Variants in WDR1 observed in about 807,000 individuals in gnomAD.
WDR1 encodes WD repeat domain 1, also known as WD repeat-containing protein 1.
In WDR1, 21 loss-of-function variants were observed where a neutral mutation model predicts 71.9. That is an observed-to-expected ratio of 0.29 (90% CI 0.21 to 0.42). The LOEUF (loss-of-function observed/expected upper bound fraction) is 0.42. Ranked by LOEUF, WDR1 falls within the 10% of genes least tolerant of loss-of-function variation. WDR1 has a pLI of 1.00. For missense variants in WDR1, 696 were observed against 824.5 expected, an observed-to-expected ratio of 0.84 and a Z score of 1.91; for synonymous variants, 424 against 347.4, an observed-to-expected ratio of 1.22 and a Z score of -2.45.
At chr4:10,081,733 C>G (rs1469036486) in intron 10 of WDR1, among the ~76,000 whole-genome samples, 2 of 151,700 alleles carry the variant, frequency 1.3e-5, no homozygotes, top group African/African-American at 2.4e-5. Flanking sequence ...CTGTGGTAAG[C>G]CCTCATTACA....
At chr4:10,085,978 G>A (rs1400784303) in intron 8 of WDR1, among the ~76,000 whole-genome samples, 3 of 152,202 alleles carry the variant, frequency 2.0e-5, no homozygotes, top group Admixed American at 1.3e-4. Flanking sequence ...ACGGTGGCAG[G>A]CCGGGTGCAC....
chr4:10,098,779 G>A (rs748907574), intron 4 of WDR1, among the ~76,000 whole-genome samples: 2 of 152,232 alleles, frequency 1.3e-5, no homozygotes, highest in Non-Finnish European at 2.9e-5. Flanking sequence ...AGATACATGA[G>A]TGCTGGGCCC....
intron 13 of WDR1, 25 bp downstream of exon 13, chr4:10,077,728 A>T (rs1030381311): frequency 6.5e-7 from 1 of 1,547,818 alleles, no homozygotes; most frequent in South Asian, 1.2e-5. Context: ...GCACGGGGAC[A>T]GAGGAGGAGC....
intron 2 of WDR1, among the ~76,000 whole-genome samples, chr4:10,108,756 C>A (rs1275375539): frequency 6.6e-6 from 1 of 152,226 alleles, no homozygotes; most frequent in Non-Finnish European, 1.5e-5. Context: ...ACAACGCCTT[C>A]TCCTAATTAT....
At chr4:10,099,163 A>AAAGGGGGGGGGGGGGG in intron 3 of WDR1, 24 bp from the exon 4 acceptor site, 1 of 180,488 alleles carries the variant, frequency 5.5e-6, no homozygotes. Flanking sequence ...CGGGCGGGGG[A>AAAGGGGGGGGGGGGGG]GGGGGGGAGG....
intron 9 of WDR1, 76 bp downstream of exon 9, chr4:10,084,367 C>T (rs1024874747): frequency 4.9e-6 from 7 of 1,424,676 alleles, no homozygotes; most frequent in Non-Finnish European, 6.8e-6. Flanking sequence ...CTGGCCTGGC[C>T]TCTGGCATCA....
chr4:10,082,362 G>T (rs1765051186), intron 10 of WDR1, among the ~76,000 whole-genome samples: 1 of 151,878 alleles, frequency 6.6e-6, no homozygotes, highest in Non-Finnish European at 1.5e-5. Flanking sequence ...GGTGACAAAG[G>T]GGTCTACACA....
intron 11 of WDR1, among the ~76,000 whole-genome samples, chr4:10,080,869 G>C (rs1764987924): frequency 6.6e-6 from 1 of 152,242 alleles, no homozygotes; most frequent in South Asian, 2.1e-4. Flanking sequence ...TCTGTAAGAG[G>C]AACCAAGATG....
intron 11 of WDR1, 68 bp from the exon 12 acceptor site, chr4:10,079,069 G>T: frequency 7.5e-7 from 1 of 1,329,970 alleles, no homozygotes; most frequent in Non-Finnish European, 1.0e-6. Context: ...GTGGTAGGAG[G>T]GGCGCGTCCC....
intron 8 of WDR1, among the ~76,000 whole-genome samples, chr4:10,085,330 G>A (rs907428538): frequency 1.3e-5 from 2 of 152,224 alleles, no homozygotes; most frequent in African/African-American, 2.4e-5. Flanking sequence ...ATAGATCTTT[G>A]GATGCAGGTC....
At chr4:10,104,117 G>T in intron 2 of WDR1, 131 bp from the exon 3 acceptor site, 1 of 901,630 alleles carries the variant, frequency 1.1e-6, no homozygotes, top group Non-Finnish European at 1.8e-6. Context: ...GAAGAAAACC[G>T]CAGAAGCATA....
In WDR1 at chr4:10,081,534, C is replaced by T. The variant is rs1765014401; in HGVS notation, c.1197-90G>A. On this transcript the variant is annotated intron_variant, in intron 10 of 14. Coordinates refer to ENST00000499869, the MANE Select transcript of WDR1 (RefSeq NM_017491.5). ...TATTTACTGTTAAACCACAGTTTTG[C>T]TCCTTAGAAGGCAATTCTATTGCCA... 5.4e-6 allele frequency: 7 copies of T among 1,286,810 alleles called. No homozygotes were observed. In the Admixed American group the frequency reaches 1.1e-4, roughly 20 times the overall value. 79.7% of individuals were successfully genotyped at this position (1,286,810 alleles called of 1,614,324 possible). A position where few individuals can be genotyped will look rare whatever the true frequency, so the allele number is the denominator to read the frequency against.
chr4:10,087,694 G>T lies in WDR1; in HGVS notation c.951+13C>A. ...CACCCAGCGGGCAGAGCCTTCCCCAGGGCAGGCCTTACCTTGATGACGTGC... is the reference window on the plus strand; with the variant it reads ...CACCCAGCGGGCAGAGCCTTCCCCATGGCAGGCCTTACCTTGATGACGTGC... On this transcript the variant is annotated intron_variant, in intron 8 of 14. Transcript: ENST00000499869. The T allele has an allele frequency of 1.3e-6, 2 of 1,571,724 alleles. No homozygotes were observed. Among genetic ancestry groups the T allele is most frequent in the Non-Finnish European group, 1.7e-6 (2 of 1,157,432 alleles).
Position 10,077,789 on chromosome 4 carries a change from C to T in WDR1, c.1533G>A (p.Lys511=), listed in dbSNP as rs751491481. The T allele has an allele frequency of 6.2e-7, 1 of 1,602,472 alleles. No homozygotes were observed. Among genetic ancestry groups the T allele is most frequent in the Non-Finnish European group, 8.5e-7 (1 of 1,174,790 alleles). ...GAFLAVCDAS[K]VVTVFSVADG... ...CAGCAACGCTGAACACTGTGACCAC[C>T]TTGCTGGCGTCGCACACCGCGAGGA... The change falls in exon 13 of 15, where the codon AAG becomes AAA. Residue 511 remains lysine, a synonymous_variant. Transcript: ENST00000499869.
chr4:10,110,151 G>C (rs528746019), intron 2 of WDR1, among the ~76,000 whole-genome samples: 5 of 152,164 alleles, frequency 3.3e-5, no homozygotes, highest in Admixed American at 3.3e-4. Context: ...GGACCCATAC[G>C]TAGAAGTGAC....
At chr4:10,077,606 G>A (rs1248446447) in intron 13 of WDR1, 147 bp downstream of exon 13, 1 of 1,456,550 alleles carries the variant, frequency 6.9e-7, no homozygotes, top group East Asian at 2.3e-5. Flanking sequence ...CTCCTCAGAA[G>A]CATGGCACGA....
rs1764759799 is a variant in WDR1, at chr4:10,075,325, C to T, written c.*53G>A. 6.6e-7 allele frequency: 1 copy of T among 1,511,036 alleles called. No individual in the cohort carries two copies. The highest frequency in any genetic ancestry group is 1.7e-5 in the Admixed American group (1 of 59,102). 93.6% of individuals were successfully genotyped at this position (1,511,036 alleles called of 1,614,324 possible). A position where few individuals can be genotyped will look rare whatever the true frequency, so the allele number is the denominator to read the frequency against. ...AATAGAGAAATGACATGTTCCGCTG[C>T]AGTTAAACTCTAGTCCCTGATTCGG... On this transcript the variant is annotated 3_prime_UTR_variant, in exon 15 of 15. Transcript: ENST00000499869.
chr4:10,089,221 G>A lies in WDR1; in HGVS notation c.559-480C>T, dbSNP rs61385703. Among the ~76,000 whole-genome samples, 823 of 152,316 alleles carry A rather than the reference G, an allele frequency of 5.4e-3. 10 individuals are homozygous for A. The highest frequency in any genetic ancestry group is 0.019 in the African/African-American group (772 of 41,562). On this transcript the variant is annotated intron_variant, in intron 5 of 14. Coordinates refer to ENST00000499869, the MANE Select transcript of WDR1 (RefSeq NM_017491.5). The stretch of plus-strand genomic sequence containing the variant: ...CCTCCCGGGTTCACGCCATTCTCCT[G>A]CCTCAGCCTCCCGAGTAGCTGGGAC...
intron 2 of WDR1, among the ~76,000 whole-genome samples, chr4:10,104,706 A>G (rs1712914909): frequency 6.6e-6 from 1 of 151,968 alleles, no homozygotes; most frequent in Non-Finnish European, 1.5e-5. Context: ...TGAAACAGAA[A>G]CACACACACA....
Sources: allele counts gnomAD v4.1 joint callset (sites outside exome capture counted in the v4.1 genomes callset), GRCh38; gene constraint gnomAD v4.1.1; transcripts MANE v1.5; gene names NCBI Gene and HGNC (gene_info 2026-07-23, HGNC 2026-07-21).